The following FSIP1 variants were observed in gnomAD, a reference collection of about 807,000 sequenced individuals.
The protein encoded by FSIP1 is fibrous sheath interacting protein 1, also known as fibrous sheath-interacting protein 1.
FSIP1 carries 65 observed loss-of-function variants against 60.9 expected under a neutral mutation model. That is an observed-to-expected ratio of 1.07 (90% CI 0.87 to 1.31). The LOEUF is 1.31. Among genes scored for constraint, FSIP1 ranks in the 40% most tolerant of loss-of-function variants. The pLI is 0.00. For missense variants in FSIP1, 675 were observed against 665.5 expected, an observed-to-expected ratio of 1.01 and a Z score of -0.16; for synonymous variants, 209 against 221.2, an observed-to-expected ratio of 0.94 and a Z score of 0.49.
intron 10 of FSIP1, among the ~76,000 whole-genome samples, chr15:39,701,133 C>T (rs1895041436): frequency 6.6e-6 from 1 of 152,136 alleles, no homozygotes; most frequent in African/African-American, 2.4e-5. Context: ...GCCTGGGTGA[C>T]AAAGTGAGAC....
intron 9 of FSIP1, among the ~76,000 whole-genome samples, chr15:39,720,243 A>C (rs75287637): frequency 0.015 from 2,316 of 152,320 alleles, 61 homozygotes; most frequent in African/African-American, 0.053. Flanking sequence ...CATCAAAAAA[A>C]AATTAATTGT....
At chr15:39,754,627 CAG>C (rs1364303563) in intron 5 of FSIP1, among the ~76,000 whole-genome samples, 8 of 151,700 alleles carry the variant, frequency 5.3e-5, no homozygotes, top group Non-Finnish European at 1.2e-4. Context: ...AGAACAATAA[CAG>C]AGGAACTGAG....
chr15:39,651,216 G>A (rs1892855135), intron 10 of FSIP1, among the ~76,000 whole-genome samples: 1 of 152,202 alleles, frequency 6.6e-6, no homozygotes. Flanking sequence ...GGTTTCCTAA[G>A]TTAACAAATC....
At chr15:39,613,718 C>G (rs1891117599) in intron 11 of FSIP1, among the ~76,000 whole-genome samples, 1 of 152,122 alleles carries the variant, frequency 6.6e-6, no homozygotes, top group Admixed American at 6.5e-5. Context: ...AAAGTACTAG[C>G]AAACCGAATT....
intron 5 of FSIP1, among the ~76,000 whole-genome samples, chr15:39,758,562 T>G (rs751046825): frequency 2.0e-5 from 3 of 152,130 alleles, no homozygotes; most frequent in Non-Finnish European, 4.4e-5. Flanking sequence ...ATAGAATTAC[T>G]GATAAACATT....
At chr15:39,742,744 T>C (rs561872907) in intron 5 of FSIP1, among the ~76,000 whole-genome samples, 5 of 152,238 alleles carry the variant, frequency 3.3e-5, no homozygotes, top group Admixed American at 2.6e-4. Flanking sequence ...CAACACACAT[T>C]CACCTAATTC....
At chr15:39,731,382 A>C (rs1278168018) in intron 8 of FSIP1, among the ~76,000 whole-genome samples, 4 of 152,214 alleles carry the variant, frequency 2.6e-5, no homozygotes, top group African/African-American at 9.6e-5. Context: ...TTCCTAAATA[A>C]AAGTGATGTC....
chr15:39,619,869 C>A (rs1425086290), intron 10 of FSIP1, among the ~76,000 whole-genome samples: 1 of 152,038 alleles, frequency 6.6e-6, no homozygotes, highest in Non-Finnish European at 1.5e-5. Flanking sequence ...GAAAAAAAAT[C>A]AGTCCATATT....
intron 5 of FSIP1, among the ~76,000 whole-genome samples, chr15:39,748,564 T>C (rs970853552): frequency 3.9e-5 from 6 of 152,076 alleles, no homozygotes; most frequent in Non-Finnish European, 8.8e-5. Context: ...CTGCAGCACA[T>C]CCTTATGACA....
At chr15:39,700,595 T>C (rs1435697289) in intron 10 of FSIP1, among the ~76,000 whole-genome samples, 1 of 152,232 alleles carries the variant, frequency 6.6e-6, no homozygotes, top group Non-Finnish European at 1.5e-5. Flanking sequence ...CCCATTGCTT[T>C]CCATTTTGAG....
chr15:39,653,679 C>T (rs2898685), intron 10 of FSIP1, among the ~76,000 whole-genome samples: 113,593 of 151,960 alleles, frequency 0.75, 43,873 homozygotes, highest in Non-Finnish European at 0.87. Context: ...CTCATAACAG[C>T]GAATGAGTCT....
intron 10 of FSIP1, among the ~76,000 whole-genome samples, chr15:39,668,882 GAC>G (rs1472338262): frequency 6.6e-6 from 1 of 152,204 alleles, no homozygotes; most frequent in Non-Finnish European, 1.5e-5. Flanking sequence ...CTAGGAATAA[GAC>G]ACAGGTTATT....
At position 39,600,844 on chromosome 15, in the gene FSIP1, C is replaced by A. The variant is rs1255424606; in HGVS notation, c.*36G>T. 1 of 1,554,472 alleles carries A rather than the reference C, an allele frequency of 6.4e-7. No individual in the cohort carries two copies. The highest frequency in any genetic ancestry group is 1.9e-5 in the Admixed American group (1 of 53,026). ...TAAGAAATTTAATTTAACTTCATTACCAACTTTCTGAAAAGCACACCCAGC... is the reference window on the plus strand; with the variant it reads ...TAAGAAATTTAATTTAACTTCATTAACAACTTTCTGAAAAGCACACCCAGC... On this transcript the variant is annotated 3_prime_UTR_variant, in exon 12 of 12. Coordinates refer to ENST00000350221, the MANE Select transcript of FSIP1 (RefSeq NM_152597.5).
At chr15:39,607,738 C>T (rs928789775) in intron 11 of FSIP1, among the ~76,000 whole-genome samples, 2 of 152,200 alleles carry the variant, frequency 1.3e-5, no homozygotes, top group Admixed American at 6.5e-5. Context: ...ATAGTTGGAA[C>T]AGACCTCAGC....
chr15:39,689,726 A>C (rs1330719891), intron 10 of FSIP1, among the ~76,000 whole-genome samples: 1 of 152,240 alleles, frequency 6.6e-6, no homozygotes. Context: ...ACACATACTT[A>C]ATCAAATTAC....
chr15:39,738,868 ATC>A (rs934743174), intron 7 of FSIP1, among the ~76,000 whole-genome samples: 99 of 152,212 alleles, frequency 6.5e-4, no homozygotes, highest in African/African-American at 2.2e-3. Flanking sequence ...TGCCCCACGA[ATC>A]CAGTTTGCCT....
At chr15:39,698,352 G>A (rs1894909447) in intron 10 of FSIP1, among the ~76,000 whole-genome samples, 1 of 152,032 alleles carries the variant, frequency 6.6e-6, no homozygotes, top group Admixed American at 6.6e-5. Flanking sequence ...TTGTGTTTCT[G>A]TTGGATGGTG....
At chr15:39,701,781 T>G (rs1895069304) in intron 10 of FSIP1, among the ~76,000 whole-genome samples, 1 of 152,228 alleles carries the variant, frequency 6.6e-6, no homozygotes, top group South Asian at 2.1e-4. Context: ...ATAGTGTGTT[T>G]TTTCAATTAA....
chr15:39,628,984 A>C (rs1891764161), intron 10 of FSIP1, among the ~76,000 whole-genome samples: 1 of 152,216 alleles, frequency 6.6e-6, no homozygotes, highest in African/African-American at 2.4e-5. Context: ...CTGGAACATC[A>C]ATAGCAAATC....
Sources: allele counts gnomAD v4.1 joint callset (sites outside exome capture counted in the v4.1 genomes callset), GRCh38; gene constraint gnomAD v4.1.1; transcripts MANE v1.5; gene names NCBI Gene and HGNC (gene_info 2026-07-23, HGNC 2026-07-21).